The following NUDT9 variants were observed in gnomAD, a reference collection of about 807,000 sequenced individuals.
The protein encoded by NUDT9 is nudix hydrolase 9.
In NUDT9, 31 loss-of-function variants were observed where a neutral mutation model predicts 41.0. That is an observed-to-expected ratio of 0.76 (90% CI 0.57 to 1.02). The LOEUF is 1.02. NUDT9 is among the 50% of genes least tolerant of loss of function. The pLI, the probability that NUDT9 is intolerant of heterozygous loss-of-function variation, is 0.00. For synonymous variants in NUDT9, 146 were observed against 147.6 expected (o/e 0.99, Z 0.08); for missense variants, 380 against 431.4 (o/e 0.88, Z 1.06).
At chr4:87,444,248 TTTC>T (rs1722347345) in intron 4 of NUDT9, among the ~76,000 whole-genome samples, 1 of 152,168 alleles carries the variant, frequency 6.6e-6, no homozygotes, top group Non-Finnish European at 1.5e-5. Context: ...AGACTCTGTT[TTTC>T]TTTGATCTGA....
intron 4 of NUDT9, among the ~76,000 whole-genome samples, chr4:87,442,163 G>A (rs929889953): frequency 1.3e-5 from 2 of 152,124 alleles, no homozygotes; most frequent in Non-Finnish European, 2.9e-5. Context: ...GATTGTGTAG[G>A]TGCAATTGTA....
At chr4:87,451,834 T>C (rs1722725646) in intron 6 of NUDT9, 99 bp downstream of exon 6, 1 of 922,170 alleles carries the variant, frequency 1.1e-6, no homozygotes, top group Non-Finnish European at 1.6e-6. Context: ...CTAAATAAAG[T>C]GGAATACTTG....
chr4:87,448,597 C>T (rs1464105668), intron 4 of NUDT9, among the ~76,000 whole-genome samples: 1 of 152,116 alleles, frequency 6.6e-6, no homozygotes, highest in Non-Finnish European at 1.5e-5. Context: ...CCTTCTGCCT[C>T]AGTCTCCCAA....
Position 87,424,254 on chromosome 4 carries a change from G to GTTTTTTTTTTTGTT in NUDT9, c.107+1253_107+1254insGTTTTTTTTTTTTT, listed in dbSNP as rs1491208372. ...TAGGAATAGCATTTCTCCCTAATGCGTTTTTTTTTTTTTTTTTTTTTTTGA... is the reference window on the plus strand; with the variant it reads ...TAGGAATAGCATTTCTCCCTAATGCGTTTTTTTTTTTGTTTTTTTTTTTTTTTTTTTTTTTTTGA... On this transcript the variant is annotated intron_variant, in intron 1 of 7. Transcript: ENST00000302174. 3.9e-4 allele frequency among the ~76,000 whole-genome samples: 39 copies of GTTTTTTTTTTTGTT among 99,178 alleles called. No individual in the cohort carries two copies. The East Asian group carries it at 0.012, about 31-fold the overall frequency. 65.1% of individuals were successfully genotyped at this position (99,178 alleles called of 152,430 possible).
At chr4:87,444,852 C>T (rs189630319) in intron 4 of NUDT9, among the ~76,000 whole-genome samples, 1 of 152,234 alleles carries the variant, frequency 6.6e-6, no homozygotes, top group East Asian at 1.9e-4. Flanking sequence ...AGAGAGCCCA[C>T]AGGTGGCAGA....
intron 7 of NUDT9, 139 bp from the exon 8 acceptor site, chr4:87,457,704 G>T: frequency 1.4e-6 from 1 of 695,274 alleles, no homozygotes. Context: ...ACCAGGGATG[G>T]AATGGTCTAG....
intron 7 of NUDT9, among the ~76,000 whole-genome samples, chr4:87,454,855 T>A (rs1346280018): frequency 6.6e-6 from 1 of 152,192 alleles, no homozygotes; most frequent in African/African-American, 2.4e-5. Context: ...AATATTTTTA[T>A]AATAATCTTG....
Position 87,449,037 on chromosome 4 carries a change from T to C in NUDT9, c.531-105T>C, listed in dbSNP as rs528729856. ...CTAGCTGATTTGAGATAAATTTATA[T>C]ATACTCTGCTTTAAAGAAAAAGTCC... On this transcript the variant is annotated intron_variant, in intron 4 of 7. Coordinates refer to ENST00000302174, the MANE Select transcript of NUDT9 (RefSeq NM_024047.5). The C allele has an allele frequency of 3.7e-5, 23 of 627,250 alleles. No homozygotes were observed. In the South Asian group the frequency reaches 4.4e-4, roughly 12 times the overall value. 38.9% of individuals were successfully genotyped at this position (627,250 alleles called of 1,614,324 possible). A position where few individuals can be genotyped will look rare whatever the true frequency, so the allele number is the denominator to read the frequency against.
At chr4:87,426,051 G>A (rs1721401858) in intron 1 of NUDT9, among the ~76,000 whole-genome samples, 1 of 152,040 alleles carries the variant, frequency 6.6e-6, no homozygotes, top group South Asian at 2.1e-4. Flanking sequence ...GGGCTCAAGT[G>A]ATCCTCCTGC....
chr4:87,432,533 C>T (rs1721732471), intron 1 of NUDT9, among the ~76,000 whole-genome samples: 1 of 151,890 alleles, frequency 6.6e-6, no homozygotes, highest in Admixed American at 6.6e-5. Context: ...CCTAATTGCT[C>T]TGGCTGAACT....
intron 2 of NUDT9, 31 bp from the exon 3 acceptor site, chr4:87,438,246 T>G (rs767172972): frequency 8.4e-7 from 1 of 1,188,146 alleles, no homozygotes; most frequent in Admixed American, 1.7e-5. Flanking sequence ...GAATCATTAT[T>G]TCTTATTTTA....
chr4:87,434,636 T>G (rs1203913648), intron 1 of NUDT9, among the ~76,000 whole-genome samples: 2 of 151,922 alleles, frequency 1.3e-5, no homozygotes, highest in African/African-American at 4.8e-5. Flanking sequence ...CTTTTTTTTT[T>G]TGCTTTTTTT....
At position 87,454,905 on chromosome 4, in the gene NUDT9, A is replaced by AC. The variant is rs1229266734; in HGVS notation, c.874+451dup. ...AAAGCAATAACAAAAAATTCCAAGT[A>AC]CTGAAAAAATTTTAAATGAATGCTG... is the stretch of plus-strand genomic sequence containing the variant. On this transcript the variant is annotated intron_variant, in intron 7 of 7. Coordinates refer to ENST00000302174, the MANE Select transcript of NUDT9 (RefSeq NM_024047.5). 2.0e-5 allele frequency among the ~76,000 whole-genome samples: 3 copies of AC among 152,216 alleles called. No individual in the cohort carries two copies. In the East Asian group the frequency reaches 5.8e-4, roughly 29 times the overall value.
At chr4:87,454,545 C>T in intron 7 of NUDT9, 90 bp downstream of exon 7, 1 of 828,596 alleles carries the variant, frequency 1.2e-6, no homozygotes, top group Non-Finnish European at 2.0e-6. Context: ...GACTATTTAG[C>T]ATCTTAAACC....
chr4:87,449,075 C>G (rs1272728390), intron 4 of NUDT9, 67 bp from the exon 5 acceptor site: 22 of 883,750 alleles, frequency 2.5e-5, no homozygotes, highest in South Asian at 4.4e-5. Flanking sequence ...GTAACTTTAT[C>G]TCAAGTTTGA....
chr4:87,444,865 C>G (rs1403665134), intron 4 of NUDT9, among the ~76,000 whole-genome samples: 3 of 152,164 alleles, frequency 2.0e-5, no homozygotes, highest in Non-Finnish European at 4.4e-5. Flanking sequence ...GTGGCAGAGT[C>G]TGGCTTTCAA....
chr4:87,458,822 A>G lies in NUDT9; in HGVS notation c.*801A>G, dbSNP rs1723096160. The G allele has an allele frequency of 6.6e-6, 1 of 152,240 alleles. No individual in the cohort carries two copies. Among genetic ancestry groups the G allele is most frequent in the South Asian group, 2.1e-4 (1 of 4,832 alleles). The allele number at this position is 152,240 out of a possible 1,614,324, so 9.4% of individuals were successfully genotyped here. A position where few individuals can be genotyped will look rare whatever the true frequency, so the allele number is the denominator to read the frequency against. On this transcript the variant is annotated 3_prime_UTR_variant, in exon 8 of 8. Transcript: ENST00000302174. ...ATTACAGATGCTAGTGAGGTTGTAG[A>G]GAAAAAGGAATGCTTATACGCTGTT...
At chr4:87,445,676 A>G (rs928398200) in intron 4 of NUDT9, among the ~76,000 whole-genome samples, 1 of 152,240 alleles carries the variant, frequency 6.6e-6, no homozygotes, top group African/African-American at 2.4e-5. Context: ...GGGAGGGAAT[A>G]GCAATAGGGC....
intron 7 of NUDT9, among the ~76,000 whole-genome samples, chr4:87,456,582 A>G (rs1178904818): frequency 1.3e-5 from 2 of 152,268 alleles, no homozygotes; most frequent in East Asian, 1.9e-4. Context: ...TCATACTGGT[A>G]TGGCTGACCC....
Sources: allele counts gnomAD v4.1 joint callset (sites outside exome capture counted in the v4.1 genomes callset), GRCh38; gene constraint gnomAD v4.1.1; transcripts MANE v1.5; gene names NCBI Gene and HGNC (gene_info 2026-07-23, HGNC 2026-07-21).